Variants in JAKMIP1 observed in about 807,000 individuals in gnomAD.
JAKMIP1 encodes janus kinase and microtubule interacting protein 1.
JAKMIP1 carries 33 observed loss-of-function variants against 113.0 expected under a neutral mutation model. The ratio of observed to expected loss-of-function variants is 0.29; its 90% confidence interval spans 0.22 to 0.39. The LOEUF is 0.39. Among genes scored for constraint, JAKMIP1 ranks in the 10% least tolerant of loss-of-function variants. JAKMIP1 has a pLI of 1.00. For synonymous variants in JAKMIP1, 480 were observed against 459.9 expected, an observed-to-expected ratio of 1.04 and a Z score of -0.56; for missense variants, 813 against 1,080.5, an observed-to-expected ratio of 0.75 and a Z score of 3.47.
chr4:6,170,355 C>CCACCACCACCTCTATCACCACCAT, intron 1 of JAKMIP1, among the ~76,000 whole-genome samples: 1 of 51,744 alleles, frequency 1.9e-5, no homozygotes, highest in Non-Finnish European at 3.8e-5. Context: ...CTCACCACCA[C>CCACCACCACCTCTATCACCACCAT]CACCACCACC....
chr4:6,172,108 C>T (rs1022268452), intron 1 of JAKMIP1, among the ~76,000 whole-genome samples: 2 of 152,186 alleles, frequency 1.3e-5, no homozygotes, highest in African/African-American at 4.8e-5. Context: ...AAGGTAAATC[C>T]TTCTGAAACA....
chr4:6,090,445 G>A (rs144918655), intron 3 of JAKMIP1, among the ~76,000 whole-genome samples: 56 of 152,288 alleles, frequency 3.7e-4, no homozygotes, highest in Non-Finnish European at 6.5e-4. Context: ...CTCCAGAACC[G>A]TAGAGAAAAT....
Position 6,112,813 on chromosome 4 carries a change from T to C in JAKMIP1, c.38A>G (p.Glu13Gly). Residue 13 changes from glutamate (E) to glycine (G), a missense_variant, in exon 2 of 21, where the codon GAG becomes GGG. By Grantham distance (98) the Glu-to-Gly change is moderately conservative. Around this residue, in one of 2 missense-constraint regions of JAKMIP1, gnomAD observed 540 missense variants for 653.9 expected, o/e 0.83. Transcript: ENST00000409021. ...CATCTGCACCGCGTCCGTCTCCATCTCGGGCTTCTCGCCCTTGCTCCGGCC... is the reference window on the plus strand; with the variant it reads ...CATCTGCACCGCGTCCGTCTCCATCCCGGGCTTCTCGCCCTTGCTCCGGCC... ...KKGRSKGEKP[E>G]METDAVQMAN... The C allele has an allele frequency of 6.2e-7, 1 of 1,614,092 alleles. No individual in the cohort carries two copies. Among genetic ancestry groups the C allele is most frequent in the Non-Finnish European group, 8.5e-7 (1 of 1,180,032 alleles).
At chr4:6,035,474 A>G (rs1246080812) in intron 19 of JAKMIP1, among the ~76,000 whole-genome samples, 1 of 152,126 alleles carries the variant, frequency 6.6e-6, no homozygotes, top group Admixed American at 6.5e-5. Context: ...CACACGCAAC[A>G]TCGAACCTTG....
intron 1 of JAKMIP1, among the ~76,000 whole-genome samples, chr4:6,133,779 T>C (rs13119074): frequency 0.14 from 20,698 of 152,262 alleles, 1,683 homozygotes; most frequent in Middle Eastern, 0.27. Context: ...CCAGATTCCC[T>C]TGCAGGAGGT....
chr4:6,157,581 T>A lies in JAKMIP1; in HGVS notation c.-148+42672A>T, dbSNP rs550354971. Among the ~76,000 whole-genome samples the A allele has an allele frequency of 1.2e-4, 18 of 152,174 alleles. No individual in the cohort carries two copies. Among genetic ancestry groups the A allele is most frequent in the Non-Finnish European group, 2.4e-4 (16 of 68,036 alleles). ...TTTCATAAGCCACTGGCACAGACCA[T>A]CACAACTCAGAACCGGGATCTCCGA... On this transcript the variant is annotated intron_variant, in intron 1 of 20. Coordinates refer to ENST00000409021, the MANE Select transcript of JAKMIP1 (RefSeq NM_001099433.2). This position sits in a 1 kb window ranked among gnomAD's most constrained non-coding sequence, Gnocchi z 4.7.
At chr4:6,166,245 T>C (rs12650113) in intron 1 of JAKMIP1, among the ~76,000 whole-genome samples, 74,396 of 152,152 alleles carry the variant, frequency 0.49, 22,113 homozygotes, top group East Asian at 0.75. Context: ...ATCTGAACCC[T>C]GGGTTCTAAA....
intron 12 of JAKMIP1, among the ~76,000 whole-genome samples, chr4:6,055,677 G>A (rs1396812819): frequency 6.6e-6 from 1 of 152,102 alleles, no homozygotes; most frequent in Non-Finnish European, 1.5e-5. Flanking sequence ...CATTTCTTCA[G>A]TTGTCCCCAG....
At chr4:6,026,797 C>T (rs1711882683) in intron 20 of JAKMIP1, among the ~76,000 whole-genome samples, 1 of 152,282 alleles carries the variant, frequency 6.6e-6, no homozygotes, top group East Asian at 1.9e-4. Context: ...CCCCATGTGG[C>T]CCACGGCAGC....
At chr4:6,034,475 G>A (rs1713140431) in intron 19 of JAKMIP1, among the ~76,000 whole-genome samples, 2 of 152,094 alleles carry the variant, frequency 1.3e-5, no homozygotes, top group Admixed American at 6.5e-5. Flanking sequence ...ATGTTAACTT[G>A]GCTAGGCCAT....
intron 1 of JAKMIP1, among the ~76,000 whole-genome samples, chr4:6,114,693 T>C (rs1715474111): frequency 6.6e-6 from 1 of 152,216 alleles, no homozygotes; most frequent in Non-Finnish European, 1.5e-5. Context: ...GCTGATCGAT[T>C]CCAGAAAGGT....
At chr4:6,070,649 C>CGATA (rs1323860631) in intron 8 of JAKMIP1, among the ~76,000 whole-genome samples, 2 of 152,240 alleles carry the variant, frequency 1.3e-5, no homozygotes, top group African/African-American at 4.8e-5. Context: ...GGCAACGCCA[C>CGATA]GATAGATTCT....
At chr4:6,173,761 T>C (rs1025257931) in intron 1 of JAKMIP1, among the ~76,000 whole-genome samples, 1 of 152,206 alleles carries the variant, frequency 6.6e-6, no homozygotes, top group African/African-American at 2.4e-5. Flanking sequence ...CTTTTATCTC[T>C]GAAGAAAAGG....
chr4:6,063,114 C>A (rs1409012496), intron 9 of JAKMIP1, among the ~76,000 whole-genome samples: 2 of 152,070 alleles, frequency 1.3e-5, no homozygotes, highest in South Asian at 2.1e-4. Flanking sequence ...CGCACTCTAG[C>A]CTGGGCGACA....
At chr4:6,151,509 C>T (rs1721569308) in intron 1 of JAKMIP1, among the ~76,000 whole-genome samples, 1 of 152,108 alleles carries the variant, frequency 6.6e-6, no homozygotes, top group South Asian at 2.1e-4. Flanking sequence ...CCACCATTCT[C>T]ACCACCCCAG....
At chr4:6,054,254 C>A (rs553576822) in intron 12 of JAKMIP1, 106 bp from the exon 13 acceptor site, 2 of 1,108,418 alleles carry the variant, frequency 1.8e-6, no homozygotes, top group Admixed American at 1.9e-5. Context: ...CGACTGGCCA[C>A]GGAGGCAAGG....
chr4:6,090,248 G>A (rs1360900756), intron 3 of JAKMIP1, among the ~76,000 whole-genome samples: 1 of 151,978 alleles, frequency 6.6e-6, no homozygotes, highest in African/African-American at 2.4e-5. Context: ...AAAAGAAGAG[G>A]ACAAGCTGCA....
chr4:6,131,971 G>A (rs1422912893), intron 1 of JAKMIP1, among the ~76,000 whole-genome samples: 3 of 152,230 alleles, frequency 2.0e-5, no homozygotes, highest in African/African-American at 7.2e-5. Flanking sequence ...CTTCAGAGTT[G>A]AGGGAAAATG....
chr4:6,042,300 GGT>G lies in JAKMIP1; in HGVS notation c.2029-75_2029-74del. On this transcript the variant is annotated intron_variant, in intron 16 of 20. Transcript: ENST00000409021. The surrounding 1 kb of genome is among the most constrained non-coding windows in gnomAD (Gnocchi z 5.2). ...ACCCAAGGGGCTGTGGAATTTCACA[GGT>G]GTGTGAATTTCATAGATCGGCTTCC... The G allele has an allele frequency of 1.6e-6, 2 of 1,227,482 alleles. No homozygotes were observed. Among genetic ancestry groups the G allele is most frequent in the South Asian group, 1.2e-5 (1 of 82,956 alleles). 76.0% of individuals were successfully genotyped at this position (1,227,482 alleles called of 1,614,324 possible). A position where few individuals can be genotyped will look rare whatever the true frequency, so the allele number is the denominator to read the frequency against.
Sources: allele counts gnomAD v4.1 joint callset (sites outside exome capture counted in the v4.1 genomes callset), GRCh38; gene constraint gnomAD v4.1.1; regional missense constraint gnomAD v4.1.1; non-coding constraint Gnocchi (gnomAD v3.1); transcripts MANE v1.5; gene names NCBI Gene and HGNC (gene_info 2026-07-23, HGNC 2026-07-21).